SUGCT: variants seen among roughly 807,000 people sequenced by gnomAD.
SUGCT encodes succinyl-CoA:glutarate-CoA transferase.
SUGCT carries 41 observed loss-of-function variants against 55.0 expected under a neutral mutation model. The ratio of observed to expected loss-of-function variants is 0.74; its 90% CI spans 0.58 to 0.97. The LOEUF (loss-of-function observed/expected upper bound fraction) is 0.97, where lower values mean the gene tolerates loss of function less well. Among genes scored for constraint, SUGCT ranks in the 50% least tolerant of loss-of-function variants. SUGCT has a pLI of 0.00. For synonymous variants in SUGCT, 187 were observed against 200.4 expected (o/e 0.93, Z 0.56); for missense variants, 568 against 547.8 (o/e 1.04, Z -0.37).
chr7:40,268,397 T>G (rs1164182543), intron 7 of SUGCT, among the ~76,000 whole-genome samples: 2 of 152,266 alleles, frequency 1.3e-5, no homozygotes, highest in Non-Finnish European at 2.9e-5. Context: ...TAATATTTGT[T>G]AAAGTGCTTC....
chr7:40,439,829 G>A (rs1392310524), intron 9 of SUGCT, among the ~76,000 whole-genome samples: 1 of 152,158 alleles, frequency 6.6e-6, no homozygotes, highest in Non-Finnish European at 1.5e-5. Flanking sequence ...ACAGATGTCT[G>A]TGTGTGCTTG....
intron 12 of SUGCT, among the ~76,000 whole-genome samples, chr7:40,632,338 C>A (rs923295799): frequency 5.3e-5 from 8 of 151,918 alleles, no homozygotes; most frequent in African/African-American, 1.9e-4. Context: ...TGGTGTATAA[C>A]TAGTAAATGC....
At chr7:40,827,202 G>A (rs1445023412) in intron 13 of SUGCT, among the ~76,000 whole-genome samples, 1 of 152,138 alleles carries the variant, frequency 6.6e-6, no homozygotes, top group African/African-American at 2.4e-5. Flanking sequence ...AAATACTGGA[G>A]CAAACTCAGA....
chr7:40,630,012 G>T (rs1799714162), intron 12 of SUGCT, among the ~76,000 whole-genome samples: 1 of 152,272 alleles, frequency 6.6e-6, no homozygotes, highest in South Asian at 2.1e-4. Context: ...GGGATTACCA[G>T]CCTGTATTGC....
intron 10 of SUGCT, among the ~76,000 whole-genome samples, chr7:40,453,236 T>C (rs1377848595): frequency 2.6e-5 from 4 of 152,174 alleles, no homozygotes; most frequent in Admixed American, 6.5e-5. Context: ...AGAAGAACTT[T>C]CTTCATTGCT....
chr7:40,857,387 A>G (rs1044806976), intron 13 of SUGCT, among the ~76,000 whole-genome samples: 1 of 152,230 alleles, frequency 6.6e-6, no homozygotes, highest in Non-Finnish European at 1.5e-5. Context: ...AGATCTTGAC[A>G]TCACTTTATT....
At chr7:40,169,684 C>A (rs1030798992) in intron 1 of SUGCT, among the ~76,000 whole-genome samples, 1 of 152,064 alleles carries the variant, frequency 6.6e-6, no homozygotes, top group Non-Finnish European at 1.5e-5. Flanking sequence ...CCCAGCCTTT[C>A]GCTTTTCCAA....
intron 9 of SUGCT, among the ~76,000 whole-genome samples, chr7:40,379,508 G>A (rs1209520913): frequency 6.6e-6 from 1 of 152,114 alleles, no homozygotes; most frequent in African/African-American, 2.4e-5. Context: ...GAAATTATAT[G>A]CTGGCTCTTT....
the SUGCT span, among the ~76,000 whole-genome samples, chr7:40,941,336 A>C: frequency 6.6e-6 from 1 of 152,000 alleles, no homozygotes; most frequent in Non-Finnish European, 1.5e-5. Flanking sequence ...GTCAACCCCA[A>C]AATCACTCAG....
intron 7 of SUGCT, among the ~76,000 whole-genome samples, chr7:40,255,693 T>C (rs954589707): frequency 1.0e-5 from 1 of 99,146 alleles, no homozygotes; most frequent in Admixed American, 1.0e-4. Context: ...AAAAAGAAAA[T>C]AACTGTCTGC....
At chr7:40,907,895 G>C in the SUGCT span, among the ~76,000 whole-genome samples, 2 of 151,986 alleles carry the variant, frequency 1.3e-5, no homozygotes, top group Non-Finnish European at 2.9e-5. Flanking sequence ...TCTTATGAGG[G>C]GAGTCAATAC....
At chr7:40,707,625 T>G (rs1785493269) in intron 12 of SUGCT, among the ~76,000 whole-genome samples, 1 of 152,204 alleles carries the variant, frequency 6.6e-6, no homozygotes, top group African/African-American at 2.4e-5. Context: ...TGTGAAAGAT[T>G]CAGGTTTAAT....
intron 1 of SUGCT, among the ~76,000 whole-genome samples, chr7:40,141,236 G>A (rs1387921127): frequency 6.6e-6 from 1 of 151,104 alleles, no homozygotes; most frequent in Non-Finnish European, 1.5e-5. Flanking sequence ...GGAGTACAAT[G>A]GTGCAATGTA....
At chr7:40,600,468 T>C (rs1200060304) in intron 12 of SUGCT, among the ~76,000 whole-genome samples, 1 of 152,164 alleles carries the variant, frequency 6.6e-6, no homozygotes, top group Non-Finnish European at 1.5e-5. Context: ...TGTTACAAGG[T>C]TTATTAGAGA....
the SUGCT span, among the ~76,000 whole-genome samples, chr7:40,956,224 C>G: frequency 6.6e-6 from 1 of 152,100 alleles, no homozygotes; most frequent in Non-Finnish European, 1.5e-5. Context: ...TCTTGTACCT[C>G]TGGTAGAATT....
chr7:40,417,371 A>G (rs963948547), intron 9 of SUGCT, among the ~76,000 whole-genome samples: 2 of 151,848 alleles, frequency 1.3e-5, no homozygotes, highest in African/African-American at 4.8e-5. Context: ...GACTTTATCT[A>G]TATCCTAATG....
At chr7:40,514,186 G>T (rs1457138651) in intron 12 of SUGCT, among the ~76,000 whole-genome samples, 1 of 151,732 alleles carries the variant, frequency 6.6e-6, no homozygotes, top group Admixed American at 6.6e-5. Context: ...TAGAAAAGAA[G>T]ATGCCTTAAA....
rs1793841814 is a variant in SUGCT, at chr7:40,851,341, T to G, written c.1154-8975T>G. Among the ~76,000 whole-genome samples, 3 of 152,320 alleles carry G rather than the reference T, an allele frequency of 2.0e-5. No individual in the cohort carries two copies. The South Asian group carries it at 6.2e-4, about 32-fold the overall frequency. ...AAATGTAAAAAAAAAATGTTTAATG[T>G]TGTTGTGAGGATCAAATTAGATAAC... On this transcript the variant is annotated intron_variant, in intron 13 of 13. Coordinates refer to ENST00000335693, the MANE Select transcript of SUGCT (RefSeq NM_001193313.2).
chr7:40,180,082 A>C (rs1282656303), intron 1 of SUGCT, among the ~76,000 whole-genome samples: 1 of 152,128 alleles, frequency 6.6e-6, no homozygotes, highest in East Asian at 1.9e-4. Flanking sequence ...ATAATGCACC[A>C]ATCACACGCA....
Sources: allele counts gnomAD v4.1 joint callset (sites outside exome capture counted in the v4.1 genomes callset), GRCh38; gene constraint gnomAD v4.1.1; transcripts MANE v1.5; gene names NCBI Gene and HGNC (gene_info 2026-07-23, HGNC 2026-07-21).